The following LRRTM4 variants were observed in gnomAD, a reference collection of about 807,000 sequenced individuals.
The protein encoded by LRRTM4 is leucine rich repeat transmembrane neuronal 4.
LRRTM4 carries 25 observed loss-of-function variants against 47.6 expected under a neutral mutation model. The ratio of observed to expected loss-of-function variants is 0.53; its 90% confidence interval spans 0.38 to 0.73. LRRTM4 has a LOEUF of 0.73. Ranked by LOEUF, LRRTM4 falls within the 30% of genes least tolerant of loss-of-function variation. The probability of loss-of-function intolerance (pLI) is 0.00; values close to 1 mark genes in which losing one functional copy is unlikely to be tolerated. For synonymous variants in LRRTM4, 311 were observed against 269.5 expected (o/e 1.15, Z -1.51); for missense variants, 638 against 713.4 (o/e 0.89, Z 1.20).
chr2:76,880,116 T>C (rs760276612), intron 3 of LRRTM4, among the ~76,000 whole-genome samples: 1 of 152,204 alleles, frequency 6.6e-6, no homozygotes, highest in African/African-American at 2.4e-5. Flanking sequence ...GAATATCACA[T>C]GAATTTTGTT....
chr2:77,522,091 A>G lies in LRRTM4; in HGVS notation c.-148+18T>C. Reference sequence around the variant, plus strand: ...TTCTCTGTAAAAAGAGAGGAAAAAAAGAAAATCTTCAGAATACCTGGCATT... The same window carrying G: ...TTCTCTGTAAAAAGAGAGGAAAAAAGGAAAATCTTCAGAATACCTGGCATT... On this transcript the variant is annotated intron_variant, in intron 1 of 3. Coordinates refer to ENST00000409884, the MANE Select transcript of LRRTM4 (RefSeq NM_001134745.3). 1 of 716,084 alleles carries G rather than the reference A, an allele frequency of 1.4e-6. No individual in the cohort carries two copies. The highest frequency in any genetic ancestry group is 2.6e-6 in the Non-Finnish European group (1 of 384,224). 44.4% of individuals were successfully genotyped at this position (716,084 alleles called of 1,614,324 possible). A position where few individuals can be genotyped will look rare whatever the true frequency, so the allele number is the denominator to read the frequency against.
intron 3 of LRRTM4, among the ~76,000 whole-genome samples, chr2:76,749,259 TAAC>T (rs990503311): frequency 6.6e-6 from 1 of 152,082 alleles, no homozygotes; most frequent in Non-Finnish European, 1.5e-5. Flanking sequence ...ATGTAGATCT[TAAC>T]AATATAGGGG....
intron 3 of LRRTM4, among the ~76,000 whole-genome samples, chr2:77,385,825 G>A (rs1173327662): frequency 7.1e-6 from 1 of 140,704 alleles, no homozygotes; most frequent in East Asian, 2.2e-4. Context: ...TCAGCTCGGT[G>A]TAACCTCCGC....
chr2:77,169,650 T>C (rs933828600), intron 3 of LRRTM4, among the ~76,000 whole-genome samples: 5 of 152,126 alleles, frequency 3.3e-5, no homozygotes, highest in Non-Finnish European at 7.4e-5. Flanking sequence ...TCTTGAATAC[T>C]TGCCTGCCCT....
At chr2:77,042,995 CTCTGTT>C (rs541401159) in intron 3 of LRRTM4, among the ~76,000 whole-genome samples, 1 of 151,794 alleles carries the variant, frequency 6.6e-6, no homozygotes, top group East Asian at 1.9e-4. Flanking sequence ...TAGGCTCTGT[CTCTGTT>C]TCTCAATATA....
chr2:77,417,979 C>A (rs1375104003), intron 3 of LRRTM4, among the ~76,000 whole-genome samples: 1 of 152,020 alleles, frequency 6.6e-6, no homozygotes, highest in Non-Finnish European at 1.5e-5. Flanking sequence ...AGAGAGAGGA[C>A]TAAAGAGAGA....
chr2:76,936,870 G>A (rs1447395238), intron 3 of LRRTM4, among the ~76,000 whole-genome samples: 3 of 136,684 alleles, frequency 2.2e-5, no homozygotes, highest in Non-Finnish European at 3.0e-5. Flanking sequence ...AGGGAGAATC[G>A]CTTGAACCCA....
intron 3 of LRRTM4, among the ~76,000 whole-genome samples, chr2:77,192,227 C>G (rs1395033083): frequency 6.6e-6 from 1 of 152,048 alleles, no homozygotes; most frequent in Non-Finnish European, 1.5e-5. Context: ...AATCTTTCCT[C>G]AATTTCAGCA....
intron 3 of LRRTM4, among the ~76,000 whole-genome samples, chr2:77,091,959 C>T (rs187658154): frequency 0.028 from 4,129 of 149,200 alleles, 179 homozygotes; most frequent in African/African-American, 0.097. Context: ...CAGGACCACA[C>T]CCTGTAGCCT....
chr2:76,844,603 A>G (rs1320932056), intron 3 of LRRTM4, among the ~76,000 whole-genome samples: 1 of 152,150 alleles, frequency 6.6e-6, no homozygotes, highest in Non-Finnish European at 1.5e-5. Context: ...TTATCAAACA[A>G]GCCAAGAAGC....
intron 3 of LRRTM4, among the ~76,000 whole-genome samples, chr2:77,298,907 C>A (rs536458888): frequency 1.3e-5 from 2 of 152,126 alleles, no homozygotes; most frequent in South Asian, 2.1e-4. Flanking sequence ...GTAATTCTAA[C>A]CTCCTAGTGA....
At chr2:77,278,281 T>A (rs1676415888) in intron 3 of LRRTM4, among the ~76,000 whole-genome samples, 1 of 152,020 alleles carries the variant, frequency 6.6e-6, no homozygotes, top group Admixed American at 6.6e-5. Context: ...AGAAAAATTT[T>A]CTAAATGTGA....
At chr2:76,850,271 C>T (rs1038503579) in intron 3 of LRRTM4, among the ~76,000 whole-genome samples, 5 of 151,864 alleles carry the variant, frequency 3.3e-5, no homozygotes, top group Admixed American at 6.6e-5. Context: ...TTCTGTCTTT[C>T]GAGACCTACC....
At chr2:77,240,537 T>A (rs1003539499) in intron 3 of LRRTM4, among the ~76,000 whole-genome samples, 14 of 151,986 alleles carry the variant, frequency 9.2e-5, no homozygotes, top group Admixed American at 9.2e-4. Flanking sequence ...TATGTTGTTT[T>A]CTCAGTCTTA....
At chr2:77,192,276 A>G (rs974746423) in intron 3 of LRRTM4, among the ~76,000 whole-genome samples, 2 of 152,116 alleles carry the variant, frequency 1.3e-5, no homozygotes, top group Non-Finnish European at 2.9e-5. Context: ...GATTTTTGCT[A>G]TACATGCATT....
chr2:76,984,784 G>A (rs2103974831), intron 3 of LRRTM4, among the ~76,000 whole-genome samples: 1 of 152,138 alleles, frequency 6.6e-6, no homozygotes, highest in Middle Eastern at 3.4e-3. Flanking sequence ...TTAAGCTCAT[G>A]TTAAGTGTAT....
At chr2:77,359,109 A>G (rs957664351) in intron 3 of LRRTM4, among the ~76,000 whole-genome samples, 1 of 152,190 alleles carries the variant, frequency 6.6e-6, no homozygotes, top group Non-Finnish European at 1.5e-5. Context: ...TAATAAATGT[A>G]TGAACATTTT....
chr2:76,808,923 ATTC>A (rs1670643327), intron 3 of LRRTM4, among the ~76,000 whole-genome samples: 1 of 152,190 alleles, frequency 6.6e-6, no homozygotes, highest in African/African-American at 2.4e-5. Flanking sequence ...ACAGTAAAGA[ATTC>A]AAATTATATC....
chr2:77,288,474 G>A (rs1676724160), intron 3 of LRRTM4, among the ~76,000 whole-genome samples: 1 of 151,904 alleles, frequency 6.6e-6, no homozygotes, highest in South Asian at 2.1e-4. Context: ...GAACAAAACT[G>A]AAAAGTCAAT....
Sources: gnomAD v4.1 joint callset for allele counts (sites outside exome capture counted in the v4.1 genomes callset) on GRCh38, gnomAD v4.1.1 for gene constraint, MANE v1.5 for transcripts, NCBI Gene and HGNC (gene_info 2026-07-23, HGNC 2026-07-21) for gene names.